Variants in SYT16 observed in about 807,000 individuals in gnomAD.
The protein encoded by SYT16 is synaptotagmin 16.
A neutral mutation model predicts 61.4 loss-of-function variants in SYT16; 42 were observed. That is an observed-to-expected ratio of 0.68 (90% CI 0.53 to 0.89). The LOEUF is 0.89. Among genes scored for constraint, SYT16 ranks in the 40% least tolerant of loss-of-function variants. The pLI is 0.00. For missense variants in SYT16, 804 were observed against 807.3 expected (o/e 1.00, Z 0.05); for synonymous variants, 314 against 302.3 (o/e 1.04, Z -0.40).
At chr14:61,935,493 A>G (rs1021170404) in intron 1 of SYT16, among the ~76,000 whole-genome samples, 2 of 152,160 alleles carry the variant, frequency 1.3e-5, no homozygotes, top group African/African-American at 2.4e-5. Context: ...CTCTTCACCT[A>G]ACTGGGGCTT....
chr14:62,068,719 G>A (rs1163815547), intron 3 of SYT16, among the ~76,000 whole-genome samples: 1 of 152,152 alleles, frequency 6.6e-6, no homozygotes, highest in Non-Finnish European at 1.5e-5. Context: ...AGGTTGGGTT[G>A]TTGATGCTGA....
chr14:61,864,805 C>A, intron 1 of SYT16: 1 of 961,438 alleles, frequency 1.0e-6, no homozygotes, highest in Non-Finnish European at 1.6e-6. Flanking sequence ...GCCTGGAGGG[C>A]TAAATCACAG....
intron 3 of SYT16, among the ~76,000 whole-genome samples, chr14:61,997,971 A>G (rs1361218157): frequency 2.0e-5 from 3 of 152,008 alleles, no homozygotes; most frequent in Admixed American, 6.6e-5. Flanking sequence ...TTTCTTAACA[A>G]TGAGCACAGT....
chr14:62,001,236 C>T (rs1374010426), intron 3 of SYT16, among the ~76,000 whole-genome samples: 4 of 151,882 alleles, frequency 2.6e-5, no homozygotes. Flanking sequence ...TTATTTATTA[C>T]CTTCATTTAT....
At chr14:62,056,056 C>CT (rs35847583) in intron 3 of SYT16, among the ~76,000 whole-genome samples, 3,138 of 139,070 alleles carry the variant, frequency 0.023, 45 homozygotes, top group South Asian at 0.038. Flanking sequence ...CTTCTCCCTG[C>CT]TTTTTTTTTT....
At chr14:61,887,031 C>T (rs944916082) in intron 1 of SYT16, among the ~76,000 whole-genome samples, 12 of 151,978 alleles carry the variant, frequency 7.9e-5, no homozygotes, top group Admixed American at 5.2e-4. Context: ...TGAGCCACTG[C>T]GCCCGGCCAT....
rs1393235680 is a variant in SYT16 at position 62,108,021 on chromosome 14, CAGAG to C, written c.*7316_*7319del. On this transcript the variant is annotated 3_prime_UTR_variant, in exon 8 of 8. Transcript: ENST00000683842. ...AGAGTGAACTGGTAACAGTAGCCGC[CAGAG>C]AAAGAGGTGACAATCTAAACAAAGA... The C allele has an allele frequency of 1.3e-5, 2 of 152,158 alleles. No homozygotes were observed. Among genetic ancestry groups the C allele is most frequent in the East Asian group, 3.8e-4 (2 of 5,196 alleles). The allele number at this position is 152,158 out of a possible 1,614,324, so 9.4% of individuals were successfully genotyped here.
intron 1 of SYT16, among the ~76,000 whole-genome samples, chr14:61,817,015 ACAC>A (rs2045460039): frequency 1.5e-5 from 2 of 133,696 alleles, no homozygotes; most frequent in Admixed American, 7.3e-5. Context: ...CGTCACACAC[ACAC>A]ACACACACAC....
At chr14:62,094,343 T>C (rs1481516078) in intron 7 of SYT16, among the ~76,000 whole-genome samples, 3 of 152,124 alleles carry the variant, frequency 2.0e-5, no homozygotes, top group Non-Finnish European at 2.9e-5. Flanking sequence ...TCTTGCATAC[T>C]GGTCAGTTCT....
rs572228011 is a variant in SYT16, at chr14:61,988,079, G to A, written c.-144-7797G>A. 1.4e-4 allele frequency among the ~76,000 whole-genome samples: 22 copies of A among 152,230 alleles called. 1 individual carries two copies. In the South Asian group the frequency reaches 4.4e-3, roughly 30 times the overall value. ...AATTATATTGCTTCATACTGTGGAT[G>A]TTATTTGAGATTTCAGAATCTCCTC... On this transcript the variant is annotated intron_variant, in intron 2 of 7. Coordinates refer to ENST00000683842, the MANE Select transcript of SYT16 (RefSeq NM_001367656.1).
At chr14:62,026,994 T>C (rs191293802) in intron 3 of SYT16, among the ~76,000 whole-genome samples, 5 of 152,326 alleles carry the variant, frequency 3.3e-5, no homozygotes, top group Admixed American at 6.5e-5. Flanking sequence ...TTTTTATACA[T>C]TTCAATGCTG....
chr14:61,950,920 G>C (rs1044138641), intron 1 of SYT16, among the ~76,000 whole-genome samples: 1 of 152,168 alleles, frequency 6.6e-6, no homozygotes, highest in African/African-American at 2.4e-5. Flanking sequence ...TAACTCTAGA[G>C]AAACTTCCCC....
At chr14:61,927,669 A>T (rs2049590218) in intron 1 of SYT16, among the ~76,000 whole-genome samples, 2 of 152,104 alleles carry the variant, frequency 1.3e-5, no homozygotes, top group Non-Finnish European at 2.9e-5. Context: ...CAGTTTCTCT[A>T]CCTCCTCGTT....
intron 1 of SYT16, among the ~76,000 whole-genome samples, chr14:61,934,939 GT>G (rs2049918487): frequency 6.6e-6 from 1 of 152,140 alleles, no homozygotes; most frequent in Non-Finnish European, 1.5e-5. Flanking sequence ...ACTCAGTACA[GT>G]TTTGCGAAAG....
chr14:61,927,228 A>T (rs1253848264), intron 1 of SYT16, among the ~76,000 whole-genome samples: 1 of 152,228 alleles, frequency 6.6e-6, no homozygotes, highest in Non-Finnish European at 1.5e-5. Context: ...CTGAGGCTCT[A>T]TAAAGCTATT....
At chr14:62,078,541 T>C (rs907167934) in intron 5 of SYT16, among the ~76,000 whole-genome samples, 28 of 152,202 alleles carry the variant, frequency 1.8e-4, no homozygotes, top group African/African-American at 6.8e-4. Context: ...AAAGGCTTTG[T>C]TCCCTGCTTT....
chr14:61,840,229 G>T (rs894925334), intron 1 of SYT16, among the ~76,000 whole-genome samples: 82 of 152,272 alleles, frequency 5.4e-4, no homozygotes, highest in Non-Finnish European at 4.4e-5. Context: ...TCATTTGGGG[G>T]CACATTTAAG....
intron 3 of SYT16, among the ~76,000 whole-genome samples, chr14:62,044,393 C>T (rs1174691863): frequency 6.6e-6 from 1 of 152,056 alleles, no homozygotes; most frequent in Non-Finnish European, 1.5e-5. Context: ...ATCAACCCAT[C>T]ATCTAGGTTT....
At chr14:61,939,391 T>C (rs1484775202) in intron 1 of SYT16, among the ~76,000 whole-genome samples, 1 of 152,224 alleles carries the variant, frequency 6.6e-6, no homozygotes, top group African/African-American at 2.4e-5. Context: ...AGTCCACTAG[T>C]GCTGCTTTCA....
Sources: gnomAD v4.1 joint callset for allele counts (sites outside exome capture counted in the v4.1 genomes callset) on GRCh38, gnomAD v4.1.1 for gene constraint, MANE v1.5 for transcripts, NCBI Gene and HGNC (gene_info 2026-07-23, HGNC 2026-07-21) for gene names.